DOCK2: variants seen among roughly 807,000 people sequenced by gnomAD.
The protein encoded by DOCK2 is dedicator of cytokinesis protein 2.
A neutral mutation model predicts 248.9 loss-of-function variants in DOCK2; 87 were observed. The observed-to-expected ratio is 0.35, with a 90% CI of 0.29 to 0.42. DOCK2 has a LOEUF of 0.42. DOCK2 is among the 10% of genes least tolerant of loss of function. The pLI is 1.00. For synonymous variants in DOCK2, 805 were observed against 821.6 expected (o/e 0.98, Z 0.35); for missense variants, 1,747 against 2,300.2 (o/e 0.76, Z 4.92).
intron 27 of DOCK2, among the ~76,000 whole-genome samples, chr5:169,871,957 A>G (rs1040402486): frequency 4.6e-5 from 7 of 152,220 alleles, no homozygotes; most frequent in Non-Finnish European, 8.8e-5. Context: ...TGGGTCTGGT[A>G]TAGCCTGCTG....
At chr5:169,992,521 G>T (rs1487082326) in intron 29 of DOCK2, among the ~76,000 whole-genome samples, 1 of 152,234 alleles carries the variant, frequency 6.6e-6, no homozygotes, top group Non-Finnish European at 1.5e-5. Flanking sequence ...CTAGAGTGCA[G>T]TGGTGTGATC....
At chr5:170,082,700 G>A in intron 51 of DOCK2, 96 bp from the exon 52 acceptor site, 4 of 1,479,520 alleles carry the variant, frequency 2.7e-6, no homozygotes, top group Non-Finnish European at 3.7e-6. Context: ...GCAGGGGTCA[G>A]TGTTGAGGCC....
rs116358843 is a variant in DOCK2, at chr5:169,684,577, T to C, written c.761+227T>C. On this transcript the variant is annotated intron_variant, in intron 8 of 51. Transcript: ENST00000520908. ...TTTATGGTTGTAGGGTTTTGTAAAA[T>C]AGATTTTGATTGCCAGAAAGCAGTC... Among the ~76,000 whole-genome samples, 1,449 of 152,326 alleles carry C rather than the reference T, an allele frequency of 9.5e-3. 6 individuals carry two copies. The highest frequency in any genetic ancestry group is 0.014 in the Non-Finnish European group (976 of 68,028).
intron 26 of DOCK2, among the ~76,000 whole-genome samples, chr5:169,808,916 A>G (rs1051779757): frequency 6.6e-6 from 1 of 152,126 alleles, no homozygotes; most frequent in Non-Finnish European, 1.5e-5. Context: ...TTTTTAAAAA[A>G]GTATTTGAGT....
Position 169,718,788 on chromosome 5 carries a change from C to T in DOCK2, c.2264C>T (p.Ser755Leu), listed in dbSNP as rs1762036833. The T allele has an allele frequency of 6.2e-7, 1 of 1,613,170 alleles. No individual in the cohort carries two copies. Among genetic ancestry groups the T allele is most frequent in the Non-Finnish European group, 8.5e-7 (1 of 1,179,412 alleles). ...KFIVRSRTLF[S>L]QLYEGKEQME... is the part of the protein sequence containing the mutation. ...ATTGTTCGGTCGAGGACATTATTTT[C>T]ACAGTGAGTACTTGTTATGTAAGAG... The change falls in exon 22 of 52, where the codon TCA (serine) becomes TTA (leucine). Residue 755 changes from serine (S) to leucine (L), a missense_variant. Transcript: ENST00000520908.
chr5:169,992,775 T>TAAA (rs11391142), intron 29 of DOCK2, among the ~76,000 whole-genome samples: 2 of 150,052 alleles, frequency 1.3e-5, no homozygotes, highest in African/African-American at 4.9e-5. Flanking sequence ...TTACTGTTTT[T>TAAA]AAAAAAAAAA....
intron 27 of DOCK2, among the ~76,000 whole-genome samples, chr5:169,907,309 T>C (rs1296101290): frequency 6.6e-6 from 1 of 152,202 alleles, no homozygotes; most frequent in African/African-American, 2.4e-5. Flanking sequence ...AGGAGAAGAT[T>C]CTGCTTTCAT....
chr5:169,942,513 C>T (rs548884612), intron 27 of DOCK2, among the ~76,000 whole-genome samples: 21 of 152,322 alleles, frequency 1.4e-4, no homozygotes, highest in African/African-American at 5.1e-4. Context: ...AATTTGAACT[C>T]ATTTGCAAGG....
intron 25 of DOCK2, among the ~76,000 whole-genome samples, chr5:169,795,413 C>T (rs1766585918): frequency 6.6e-6 from 1 of 152,070 alleles, no homozygotes; most frequent in Non-Finnish European, 1.5e-5. Flanking sequence ...GTAGATGGCG[C>T]CGGAGGCTCG....
intron 46 of DOCK2, 143 bp downstream of exon 46, chr5:170,069,363 T>C (rs1179829626): frequency 2.6e-6 from 2 of 783,536 alleles, no homozygotes; most frequent in African/African-American, 1.7e-5. Flanking sequence ...CTCTTCCAAC[T>C]CTGTATCACA....
chr5:169,866,217 T>C (rs1206597620), intron 27 of DOCK2, among the ~76,000 whole-genome samples: 2 of 152,226 alleles, frequency 1.3e-5, no homozygotes, highest in Non-Finnish European at 2.9e-5. Flanking sequence ...TCCACTTACA[T>C]GCCTTCTCTT....
intron 6 of DOCK2, among the ~76,000 whole-genome samples, chr5:169,678,980 A>G (rs1467785383): frequency 1.1e-4 from 16 of 152,140 alleles, no homozygotes; most frequent in Non-Finnish European, 7.4e-5. Context: ...ATGACCACGG[A>G]GAGGAAGACA....
At chr5:169,726,210 G>C (rs1430019264) in intron 22 of DOCK2, among the ~76,000 whole-genome samples, 6 of 152,122 alleles carry the variant, frequency 3.9e-5, no homozygotes, top group African/African-American at 1.4e-4. Flanking sequence ...TAACTGGTGT[G>C]AGATGGTATC....
intron 27 of DOCK2, among the ~76,000 whole-genome samples, chr5:169,850,114 C>T (rs575054119): frequency 6.6e-6 from 1 of 152,300 alleles, no homozygotes; most frequent in East Asian, 1.9e-4. Flanking sequence ...GGAAGCATCC[C>T]CTCCACAGAA....
intron 22 of DOCK2, among the ~76,000 whole-genome samples, chr5:169,732,369 A>C (rs1330914340): frequency 6.6e-6 from 1 of 151,458 alleles, no homozygotes; most frequent in Non-Finnish European, 1.5e-5. Flanking sequence ...CTCGCTTCCC[A>C]CTCCCTAGCT....
chr5:169,921,405 AT>A (rs1210965985), intron 27 of DOCK2, among the ~76,000 whole-genome samples: 1 of 152,196 alleles, frequency 6.6e-6, no homozygotes, highest in African/African-American at 2.4e-5. Context: ...ATGAGTCTAG[AT>A]TTTTGAGGAC....
In DOCK2 at chr5:169,979,683, T is replaced by G. The variant is rs139258316; in HGVS notation, c.2800-3385T>G. Among the ~76,000 whole-genome samples the G allele has an allele frequency of 1.3e-3, 202 of 152,314 alleles. 1 individual carries two copies. The highest frequency in any genetic ancestry group is 2.5e-3 in the Non-Finnish European group (170 of 68,028). On this transcript the variant is annotated intron_variant, in intron 27 of 51. Coordinates refer to ENST00000520908, the MANE Select transcript of DOCK2 (RefSeq NM_004946.3). Reference sequence around the variant, plus strand: ...CTGTCATTTTTCATTAACAGCCAAATGCAGGTAACTTGTCCAAACTTCAGT... The same window carrying G: ...CTGTCATTTTTCATTAACAGCCAAAGGCAGGTAACTTGTCCAAACTTCAGT...
Position 169,712,283 on chromosome 5 carries a change from G to A in DOCK2, c.1659+60G>A, listed in dbSNP as rs1761635472. 5 of 1,506,028 alleles carry A rather than the reference G, an allele frequency of 3.3e-6. No homozygotes were observed. In the East Asian group the frequency reaches 6.8e-5, roughly 20 times the overall value. 93.3% of individuals were successfully genotyped at this position (1,506,028 alleles called of 1,614,324 possible). ...GAGTGCAGGAAGAAAGGGGGTGATGGCAAAATTGCTTAGTGGTCAACAGCA... is the reference window on the plus strand; with the variant it reads ...GAGTGCAGGAAGAAAGGGGGTGATGACAAAATTGCTTAGTGGTCAACAGCA... On this transcript the variant is annotated intron_variant, in intron 17 of 51. Coordinates refer to ENST00000520908, the MANE Select transcript of DOCK2 (RefSeq NM_004946.3).
At chr5:169,815,243 TG>T (rs1231671442) in intron 26 of DOCK2, among the ~76,000 whole-genome samples, 1 of 152,220 alleles carries the variant, frequency 6.6e-6, no homozygotes, top group Non-Finnish European at 1.5e-5. Context: ...TGTGTATTCT[TG>T]GGGAATCCAT....
Sources: allele counts gnomAD v4.1 joint callset (sites outside exome capture counted in the v4.1 genomes callset), GRCh38; gene constraint gnomAD v4.1.1; transcripts MANE v1.5; gene names NCBI Gene and HGNC (gene_info 2026-07-23, HGNC 2026-07-21).